NOL10: variants seen among roughly 807,000 people sequenced by gnomAD.
The protein encoded by NOL10 is nucleolar protein 10, also known as H_NH0074G24.1.
NOL10 carries 58 observed loss-of-function variants against 103.5 expected under a neutral mutation model. That is an observed-to-expected ratio of 0.56 (90% CI 0.45 to 0.70). The LOEUF (loss-of-function observed/expected upper bound fraction) is 0.70. Ranked by LOEUF, NOL10 falls within the 30% of genes least tolerant of loss-of-function variation. NOL10 has a pLI of 0.00. For synonymous variants in NOL10, 287 were observed against 282.5 expected (o/e 1.02, Z -0.16); for missense variants, 763 against 807.3 (o/e 0.95, Z 0.67).
intron 12 of NOL10, among the ~76,000 whole-genome samples, chr2:10,644,727 G>C (rs954613190): frequency 6.6e-6 from 1 of 152,178 alleles, no homozygotes; most frequent in African/African-American, 2.4e-5. Context: ...TGAACCAACA[G>C]GGTGGTTAAT....
intron 20 of NOL10, among the ~76,000 whole-genome samples, chr2:10,573,377 A>G (rs1674285629): frequency 6.6e-6 from 1 of 152,106 alleles, no homozygotes; most frequent in African/African-American, 2.4e-5. Context: ...TATTTTTAGT[A>G]GAGATGGGGT....
intron 13 of NOL10, among the ~76,000 whole-genome samples, chr2:10,629,915 G>A (rs547870037): frequency 6.6e-6 from 1 of 152,264 alleles, no homozygotes; most frequent in South Asian, 2.1e-4. Context: ...AGTCCCCTGA[G>A]TAGCTAAAAC....
chr2:10,603,229 C>A, intron 14 of NOL10, 72 bp from the exon 15 acceptor site: 1 of 1,121,640 alleles, frequency 8.9e-7, no homozygotes, highest in Non-Finnish European at 1.3e-6. Flanking sequence ...TTTTCTTGGG[C>A]AACAATTTGA....
chr2:10,644,261 T>C (rs1678909612), intron 13 of NOL10, 59 bp downstream of exon 13: 5 of 1,251,568 alleles, frequency 4.0e-6, no homozygotes, highest in Non-Finnish European at 5.5e-6. Flanking sequence ...ATTAAATAAA[T>C]AATAAAAAGT....
At chr2:10,631,122 A>C (rs1677813517) in intron 13 of NOL10, among the ~76,000 whole-genome samples, 1 of 152,212 alleles carries the variant, frequency 6.6e-6, no homozygotes, top group African/African-American at 2.4e-5. Flanking sequence ...TTCTACACGG[A>C]CACTAACAGA....
At chr2:10,634,960 A>G (rs1572340676) in intron 13 of NOL10, among the ~76,000 whole-genome samples, 1 of 152,226 alleles carries the variant, frequency 6.6e-6, no homozygotes, top group Non-Finnish European at 1.5e-5. Flanking sequence ...TCTGTCCAGG[A>G]AAAGCAATAC....
chr2:10,602,698 A>G, intron 16 of NOL10, 78 bp downstream of exon 16: 1 of 866,828 alleles, frequency 1.2e-6, no homozygotes, highest in Non-Finnish European at 1.8e-6. Context: ...AAAGAATGGC[A>G]GATTTCTTTG....
At chr2:10,663,851 G>T (rs7589242) in intron 8 of NOL10, among the ~76,000 whole-genome samples, 2 of 150,928 alleles carry the variant, frequency 1.3e-5, no homozygotes, top group Non-Finnish European at 3.0e-5. Flanking sequence ...TTGGGAGGCT[G>T]AGGCAGGAGA....
intron 5 of NOL10, among the ~76,000 whole-genome samples, chr2:10,672,137 G>GGAGAA (rs1160391730): frequency 6.6e-6 from 1 of 152,104 alleles, no homozygotes; most frequent in Non-Finnish European, 1.5e-5. Flanking sequence ...AGACCAGCCT[G>GGAGAA]ACCAACATGG....
chr2:10,622,239 TA>T, intron 13 of NOL10: 1 of 460,628 alleles, frequency 2.2e-6, no homozygotes, highest in Non-Finnish European at 4.5e-6. Flanking sequence ...ATGCAACTAT[TA>T]AAAAGAGAGC....
chr2:10,634,674 G>C (rs919754919), intron 13 of NOL10: 2 of 452,710 alleles, frequency 4.4e-6, no homozygotes, highest in East Asian at 1.4e-4. Context: ...AAGAGACAAG[G>C]ACTAAGTCCT....
At chr2:10,644,519 CCTAA>C in intron 12 of NOL10, 147 bp from the exon 13 acceptor site, 1 of 550,370 alleles carries the variant, frequency 1.8e-6, no homozygotes. Context: ...ACAGCAAATT[CCTAA>C]CTTTTACAAA....
intron 20 of NOL10, among the ~76,000 whole-genome samples, chr2:10,576,702 G>A (rs12995465): frequency 0.3 from 46,276 of 152,080 alleles, 7,767 homozygotes; most frequent in Non-Finnish European, 0.39. Context: ...GGTTGCCAGG[G>A]GCTGGCGGAT....
chr2:10,612,860 T>A (rs970080751), intron 13 of NOL10, among the ~76,000 whole-genome samples: 1 of 151,992 alleles, frequency 6.6e-6, no homozygotes, highest in African/African-American at 2.4e-5. Flanking sequence ...TTTTATATAT[T>A]TTTTAAAAAT....
chr2:10,649,704 C>T, intron 12 of NOL10, among the ~76,000 whole-genome samples: 1 of 152,122 alleles, frequency 6.6e-6, no homozygotes, highest in South Asian at 2.1e-4. Context: ...AGCAAACTGT[C>T]TCTGTAAAGG....
intron 4 of NOL10, among the ~76,000 whole-genome samples, chr2:10,675,500 A>G (rs1184850668): frequency 6.6e-6 from 1 of 152,104 alleles, no homozygotes; most frequent in African/African-American, 2.4e-5. Flanking sequence ...CTGCCAGTCA[A>G]TTCTAAAAGA....
intron 2 of NOL10, among the ~76,000 whole-genome samples, chr2:10,684,078 A>C (rs1295739824): frequency 6.6e-6 from 1 of 152,100 alleles, no homozygotes; most frequent in Non-Finnish European, 1.5e-5. Flanking sequence ...CGCAAGTTCG[A>C]GACCAGCCTG....
intron 20 of NOL10, among the ~76,000 whole-genome samples, chr2:10,575,737 A>T (rs1181384355): frequency 6.6e-6 from 1 of 152,178 alleles, no homozygotes; most frequent in Non-Finnish European, 1.5e-5. Context: ...CCTCTGCAGG[A>T]GCTGAGGTGG....
chr2:10,650,093 T>A (rs1558321868), intron 12 of NOL10, among the ~76,000 whole-genome samples: 1 of 152,252 alleles, frequency 6.6e-6, no homozygotes, highest in Non-Finnish European at 1.5e-5. Flanking sequence ...CATTTCTTCA[T>A]AAATATTACT....
Sources: gnomAD v4.1 joint callset for allele counts (sites outside exome capture counted in the v4.1 genomes callset) on GRCh38, gnomAD v4.1.1 for gene constraint, MANE v1.5 for transcripts, NCBI Gene and HGNC (gene_info 2026-07-23, HGNC 2026-07-21) for gene names.